The following ZNF521 variants were observed in gnomAD, a reference collection of about 807,000 sequenced individuals.
ZNF521 encodes zinc finger protein 521.
ZNF521 carries 14 observed loss-of-function variants against 105.5 expected under a neutral mutation model. The ratio of observed to expected loss-of-function variants is 0.13; its 90% CI spans 0.09 to 0.21. The LOEUF (loss-of-function observed/expected upper bound fraction) is 0.21, where lower values mean the gene tolerates loss of function less well. Among genes scored for constraint, ZNF521 ranks in the 10% least tolerant of loss-of-function variants. The pLI is 1.00. For missense variants in ZNF521, 1,233 were observed against 1,629.7 expected, an observed-to-expected ratio of 0.76 and a Z score of 4.19; for synonymous variants, 635 against 606.0, an observed-to-expected ratio of 1.05 and a Z score of -0.70.
chr18:25,179,135 TTTTTTTTTTTTTTTTTTTTTTTTG>T, intron 5 of ZNF521, among the ~76,000 whole-genome samples: 1 of 75,582 alleles, frequency 1.3e-5, no homozygotes, highest in Non-Finnish European at 2.4e-5. Context: ...TTTTTTTTTT[TTTTTTTTTTTTTTTTTTTTTTTTG>T]GTGGTGGTGG....
chr18:25,081,265 A>G (rs1043376804), intron 7 of ZNF521, among the ~76,000 whole-genome samples: 14 of 152,174 alleles, frequency 9.2e-5, no homozygotes, highest in African/African-American at 3.4e-4. Context: ...CAAAAAAATA[A>G]TGTAATGGCA....
intron 3 of ZNF521, among the ~76,000 whole-genome samples, chr18:25,312,136 G>A (rs564502713): frequency 6.6e-6 from 1 of 152,008 alleles, no homozygotes; most frequent in Non-Finnish European, 1.5e-5. Flanking sequence ...CAAAATTACA[G>A]AGAAATGTTT....
intron 5 of ZNF521, among the ~76,000 whole-genome samples, chr18:25,117,046 CATATATAT>C (rs1292172354): frequency 0.013 from 1,000 of 78,414 alleles, 10 homozygotes; most frequent in African/African-American, 0.039. Flanking sequence ...CACACACACA[CATATATAT>C]ACACACACAC....
chr18:25,127,835 T>C (rs907258705), intron 5 of ZNF521, among the ~76,000 whole-genome samples: 3 of 151,920 alleles, frequency 2.0e-5, no homozygotes, highest in South Asian at 2.1e-4. Flanking sequence ...GTTGATTTGG[T>C]CTCTGTGGAA....
rs115280406 is a variant in ZNF521, at chr18:25,258,640, G to A, written c.221-30943C>T. Among the ~76,000 whole-genome samples, 1,049 of 152,234 alleles carry A rather than the reference G, an allele frequency of 6.9e-3. 11 individuals carry two copies. The highest frequency in any genetic ancestry group is 0.024 in the African/African-American group (984 of 41,564). Reference sequence around the variant, plus strand: ...GACCATAAGGACAGAAGCCCATGCCGGTGAGAGATGAGCTTGTTGACCCAC... The same window carrying A: ...GACCATAAGGACAGAAGCCCATGCCAGTGAGAGATGAGCTTGTTGACCCAC... On this transcript the variant is annotated intron_variant, in intron 3 of 7. Transcript: ENST00000361524.
At chr18:25,335,543 C>A (rs1913826487) in intron 2 of ZNF521, among the ~76,000 whole-genome samples, 1 of 152,172 alleles carries the variant, frequency 6.6e-6, no homozygotes. Flanking sequence ...TAAGCGATCC[C>A]AAAGTGAAAT....
At chr18:25,283,932 C>G (rs559182516) in intron 3 of ZNF521, among the ~76,000 whole-genome samples, 56 of 142,800 alleles carry the variant, frequency 3.9e-4, no homozygotes, top group Admixed American at 9.1e-4. Flanking sequence ...TCCCCCCCCC[C>G]CAAAAAAATT....
chr18:25,286,825 C>T (rs965464636), intron 3 of ZNF521, among the ~76,000 whole-genome samples: 6 of 152,116 alleles, frequency 3.9e-5, no homozygotes, highest in Non-Finnish European at 8.8e-5. Flanking sequence ...CGGTTAAAAG[C>T]GTGCCCACCT....
At chr18:25,206,634 T>G (rs1225813507) in intron 4 of ZNF521, among the ~76,000 whole-genome samples, 1 of 152,176 alleles carries the variant, frequency 6.6e-6, no homozygotes, top group Non-Finnish European at 1.5e-5. Flanking sequence ...TTATCTCCGC[T>G]GAGATATTTT....
At chr18:25,292,586 T>C (rs1466429985) in intron 3 of ZNF521, among the ~76,000 whole-genome samples, 2 of 152,138 alleles carry the variant, frequency 1.3e-5, no homozygotes, top group East Asian at 3.9e-4. Context: ...TGGTAAATAA[T>C]GGCGTGTATC....
chr18:25,230,332 G>T (rs1220460346), intron 3 of ZNF521, among the ~76,000 whole-genome samples: 1 of 152,164 alleles, frequency 6.6e-6, no homozygotes, highest in Non-Finnish European at 1.5e-5. Context: ...ACTCTCATTT[G>T]CCAGTACTGT....
intron 5 of ZNF521, among the ~76,000 whole-genome samples, chr18:25,174,497 G>A (rs1242234884): frequency 1.3e-5 from 2 of 152,184 alleles, no homozygotes; most frequent in Non-Finnish European, 2.9e-5. Flanking sequence ...GAGGGCAGGT[G>A]GGGGAGACAG....
intron 3 of ZNF521, among the ~76,000 whole-genome samples, chr18:25,317,002 G>A (rs1292668527): frequency 2.0e-5 from 3 of 151,984 alleles, no homozygotes; most frequent in Non-Finnish European, 4.4e-5. Flanking sequence ...CTACAGGCGT[G>A]CGCCACTATG....
At chr18:25,229,325 C>A (rs1390523594) in intron 3 of ZNF521, among the ~76,000 whole-genome samples, 2 of 150,122 alleles carry the variant, frequency 1.3e-5, no homozygotes, top group African/African-American at 4.8e-5. Flanking sequence ...TCTGAGAAAA[C>A]AACCAAACAC....
intron 3 of ZNF521, among the ~76,000 whole-genome samples, chr18:25,248,532 A>G (rs1384966831): frequency 6.6e-6 from 1 of 152,216 alleles, no homozygotes; most frequent in Non-Finnish European, 1.5e-5. Flanking sequence ...AAATAACACG[A>G]GTTAGCATAT....
chr18:25,093,459 T>C (rs1259192445), intron 5 of ZNF521, among the ~76,000 whole-genome samples: 1 of 152,214 alleles, frequency 6.6e-6, no homozygotes, highest in Non-Finnish European at 1.5e-5. Context: ...TTTTCTTTCA[T>C]TCAAAGACAA....
At chr18:25,263,114 A>C (rs1289077083) in intron 3 of ZNF521, among the ~76,000 whole-genome samples, 2 of 152,208 alleles carry the variant, frequency 1.3e-5, no homozygotes, top group Non-Finnish European at 2.9e-5. Flanking sequence ...ATGTTCTCAC[A>C]AATTCCAAAT....
intron 2 of ZNF521, among the ~76,000 whole-genome samples, chr18:25,328,194 C>T (rs1467683935): frequency 6.6e-6 from 1 of 152,168 alleles, no homozygotes; most frequent in Non-Finnish European, 1.5e-5. Context: ...CTGTGTTAAA[C>T]AAAATCGCAC....
chr18:25,251,996 G>A (rs941804096), intron 3 of ZNF521, among the ~76,000 whole-genome samples: 8 of 152,154 alleles, frequency 5.3e-5, no homozygotes, highest in Middle Eastern at 3.4e-3. Flanking sequence ...TACTTGTACC[G>A]TTTTCAAGCT....
Sources: allele counts gnomAD v4.1 joint callset (sites outside exome capture counted in the v4.1 genomes callset), GRCh38; gene constraint gnomAD v4.1.1; transcripts MANE v1.5; gene names NCBI Gene and HGNC (gene_info 2026-07-23, HGNC 2026-07-21).